The following FOXP1 variants were observed in gnomAD, a reference collection of about 807,000 sequenced individuals.
FOXP1 encodes forkhead box P1, also known as forkhead box protein P1.
Under a neutral mutation model 98.2 loss-of-function variants are expected in FOXP1, and 15 were observed. The ratio of observed to expected loss-of-function variants is 0.15; its 90% CI spans 0.10 to 0.24. FOXP1 has a LOEUF of 0.24. Among genes scored for constraint, FOXP1 ranks in the 10% least tolerant of loss-of-function variants. FOXP1 has a pLI of 1.00. For synonymous variants in FOXP1, 371 were observed against 314.5 expected, an observed-to-expected ratio of 1.18 and a Z score of -1.90; for missense variants, 633 against 848.5, an observed-to-expected ratio of 0.75 and a Z score of 3.15.
At chr3:71,316,598 G>A (rs1168328859) in intron 4 of FOXP1, among the ~76,000 whole-genome samples, 1 of 152,040 alleles carries the variant, frequency 6.6e-6, no homozygotes, top group East Asian at 1.9e-4. Context: ...CCCTCACTTG[G>A]GGCACCCGGA....
At chr3:71,101,748 AAAG>A (rs1196964817) in intron 7 of FOXP1, among the ~76,000 whole-genome samples, 10 of 152,168 alleles carry the variant, frequency 6.6e-5, no homozygotes, top group African/African-American at 2.4e-4. Context: ...CTTGGCAGCA[AAAG>A]AAGGAGCTAG....
At chr3:71,280,154 A>C (rs2071380866) in intron 5 of FOXP1, among the ~76,000 whole-genome samples, 1 of 150,882 alleles carries the variant, frequency 6.6e-6, no homozygotes, top group Non-Finnish European at 1.5e-5. Context: ...AAAAAATAGA[A>C]TGCAAGCCAC....
At chr3:71,492,451 C>CAA (rs71120336) in intron 3 of FOXP1, among the ~76,000 whole-genome samples, 7 of 128,936 alleles carry the variant, frequency 5.4e-5, no homozygotes, top group Non-Finnish European at 6.7e-5. Flanking sequence ...ACTCCGTCTC[C>CAA]AAAAAAAAAA....
At chr3:70,979,279 CAAAA>C (rs544916383) in intron 14 of FOXP1, among the ~76,000 whole-genome samples, 835 of 42,048 alleles carry the variant, frequency 0.02, 10 homozygotes, top group East Asian at 0.1. Flanking sequence ...GACTCTACCT[CAAAA>C]AAAAAAAAAA....
At chr3:71,526,406 C>T (rs943473430) in intron 2 of FOXP1, among the ~76,000 whole-genome samples, 2 of 152,122 alleles carry the variant, frequency 1.3e-5, no homozygotes, top group Admixed American at 6.5e-5. Flanking sequence ...ACAAACAATC[C>T]CTGCTGAAAG....
At chr3:71,509,794 T>C (rs1169722531) in intron 2 of FOXP1, among the ~76,000 whole-genome samples, 1 of 152,070 alleles carries the variant, frequency 6.6e-6, no homozygotes, top group Non-Finnish European at 1.5e-5. Flanking sequence ...GGCAAGAAGA[T>C]CACTTGAGCA....
chr3:70,990,773 G>C (rs563196987), intron 13 of FOXP1, among the ~76,000 whole-genome samples: 9 of 152,320 alleles, frequency 5.9e-5, no homozygotes, highest in African/African-American at 2.2e-4. Flanking sequence ...TTGTGCAGGG[G>C]TCATTTTAAT....
intron 6 of FOXP1, among the ~76,000 whole-genome samples, chr3:71,180,151 A>G (rs2062198666): frequency 6.6e-6 from 1 of 152,072 alleles, no homozygotes; most frequent in Non-Finnish European, 1.5e-5. Flanking sequence ...AAGACCTTCT[A>G]AAGTTCTTGC....
In FOXP1 at chr3:71,583,654, C is replaced by CCGCGCACACACTCACT; in HGVS notation, c.-546_-531dup. 11 of 984,806 alleles carry CCGCGCACACACTCACT rather than the reference C, an allele frequency of 1.1e-5. No individual in the cohort carries two copies. The highest frequency in any genetic ancestry group is 1.7e-5 in the African/African-American group (1 of 57,186). 61.0% of individuals were successfully genotyped at this position (984,806 alleles called of 1,614,324 possible). A position where few individuals can be genotyped will look rare whatever the true frequency, so the allele number is the denominator to read the frequency against. ...GCCCACTCCCGCCCGCGCGCGCACC[C>CCGCGCACACACTCACT]CGCGCACACACTCACTCGCGCACAC... is the stretch of plus-strand genomic sequence containing the variant. On this transcript the variant is annotated 5_prime_UTR_variant, in exon 1 of 21. Transcript: ENST00000649528.
chr3:71,556,643 A>G (rs750094474), intron 2 of FOXP1, among the ~76,000 whole-genome samples: 19 of 150,766 alleles, frequency 1.3e-4, no homozygotes, highest in Non-Finnish European at 2.4e-4. Context: ...CCAAACTGCA[A>G]TGAAGTGGAA....
chr3:71,125,455 G>C (rs1431140693), intron 6 of FOXP1, among the ~76,000 whole-genome samples: 2 of 151,972 alleles, frequency 1.3e-5, no homozygotes, highest in South Asian at 2.1e-4. Context: ...AAATATATTC[G>C]GTTAATCTAA....
At position 71,126,855 on chromosome 3, in the gene FOXP1, GAAAAAAAAAAACAAACA is replaced by G. The variant is rs1464919687; in HGVS notation, c.181-14235_181-14219del. Among the ~76,000 whole-genome samples the G allele has an allele frequency of 4.8e-5, 5 of 103,840 alleles. No homozygotes were observed. In the East Asian group the frequency reaches 1.1e-3, roughly 23 times the overall value. 68.1% of individuals were successfully genotyped at this position (103,840 alleles called of 152,430 possible). A position where few individuals can be genotyped will look rare whatever the true frequency, so the allele number is the denominator to read the frequency against. On this transcript the variant is annotated intron_variant, in intron 6 of 20. Coordinates refer to ENST00000649528, the MANE Select transcript of FOXP1 (RefSeq NM_001349338.3). The stretch of plus-strand genomic sequence containing the variant: ...AAAAACGAAACAAACAAACCAAAAA[GAAAAAAAAAAACAAACA>G]AAAAAAAAAAACAAAAACAAAAAAA...
At chr3:71,534,136 G>A (rs144670168) in intron 2 of FOXP1, among the ~76,000 whole-genome samples, 2,466 of 152,308 alleles carry the variant, frequency 0.016, 58 homozygotes, top group African/African-American at 0.056. Context: ...GGCCAAGGCA[G>A]GCGGATGACC....
chr3:71,578,782 C>T (rs1243939093), intron 2 of FOXP1, among the ~76,000 whole-genome samples: 1 of 152,166 alleles, frequency 6.6e-6, no homozygotes, highest in East Asian at 1.9e-4. Flanking sequence ...TGCAAATTTA[C>T]AAGGCCAGGG....
At chr3:71,382,378 C>G (rs917216809) in intron 3 of FOXP1, among the ~76,000 whole-genome samples, 5 of 152,182 alleles carry the variant, frequency 3.3e-5, no homozygotes, top group Admixed American at 6.5e-5. Flanking sequence ...ACGGGACCAA[C>G]TGACATATGG....
At chr3:71,580,842 G>C (rs540889601) in intron 2 of FOXP1, 298 of 985,210 alleles carry the variant, frequency 3.0e-4, no homozygotes, top group Non-Finnish European at 3.5e-4. Context: ...TAGACGGTTT[G>C]AATGTACAGA....
chr3:71,194,951 T>G (rs750764647), intron 6 of FOXP1, among the ~76,000 whole-genome samples: 7 of 152,084 alleles, frequency 4.6e-5, no homozygotes, highest in Non-Finnish European at 1.0e-4. Context: ...GGCTTCTGAG[T>G]GATGAGTCTA....
At chr3:71,028,419 A>G (rs1421162800) in intron 11 of FOXP1, among the ~76,000 whole-genome samples, 3 of 152,170 alleles carry the variant, frequency 2.0e-5, no homozygotes, top group Non-Finnish European at 4.4e-5. Flanking sequence ...TGAATCAGAA[A>G]CACTAAGGGT....
intron 10 of FOXP1, among the ~76,000 whole-genome samples, chr3:71,045,487 G>A (rs952769282): frequency 6.6e-6 from 1 of 152,068 alleles, no homozygotes; most frequent in Non-Finnish European, 1.5e-5. Flanking sequence ...TAAACCCAAA[G>A]GTGTAATTAA....
Sources: gnomAD v4.1 joint callset for allele counts (sites outside exome capture counted in the v4.1 genomes callset) on GRCh38, gnomAD v4.1.1 for gene constraint, MANE v1.5 for transcripts, NCBI Gene and HGNC (gene_info 2026-07-23, HGNC 2026-07-21) for gene names.